GADD45GIP1: variants seen among roughly 807,000 people sequenced by gnomAD.
GADD45GIP1 encodes GADD45G interacting protein 1.
GADD45GIP1 carries 17 observed loss-of-function variants against 22.1 expected under a neutral mutation model. The observed-to-expected ratio is 0.77, with a 90% CI of 0.53 to 1.15. The LOEUF (loss-of-function observed/expected upper bound fraction) is 1.15. Ranked by LOEUF, GADD45GIP1 falls within the 50% of genes most tolerant of loss-of-function variation. The pLI, the probability that GADD45GIP1 is intolerant of heterozygous loss-of-function variation, is 0.00. For missense variants in GADD45GIP1, 294 were observed against 314.0 expected (o/e 0.94, Z 0.48); for synonymous variants, 135 against 138.4 (o/e 0.98, Z 0.17).
chr19:12,953,173 A>G lies in GADD45GIP1; in HGVS notation c.*1035T>C, dbSNP rs1971863147. 1.6e-5 allele frequency: 11 copies of G among 698,842 alleles called. No homozygotes were observed. The South Asian group carries it at 3.0e-4, about 19-fold the overall frequency. 43.3% of individuals were successfully genotyped at this position (698,842 alleles called of 1,614,324 possible). On this transcript the variant is annotated 3_prime_UTR_variant, in exon 2 of 2. Transcript: ENST00000316939. ...TGGAAAAAAAAATCAAAAATCTTAA[A>G]AAAACAAGCAAACAGTCCAGCTTCC...
At position 12,954,378 on chromosome 19, in the gene GADD45GIP1, G is replaced by A; in HGVS notation, c.499C>T (p.Gln167Ter). 1 of 1,614,174 alleles carries A rather than the reference G, an allele frequency of 6.2e-7. No individual in the cohort carries two copies. Among genetic ancestry groups the A allele is most frequent in the Non-Finnish European group, 8.5e-7 (1 of 1,180,020 alleles). Residue 167 changes from glutamine (Q) to a stop codon, truncating the protein, a stop_gained, in exon 2 of 2, where the codon CAG becomes TAG. Coordinates refer to ENST00000316939, the MANE Select transcript of GADD45GIP1 (RefSeq NM_052850.4). LOFTEE classifies it high-confidence loss of function. ...QAEAQELLGY[Q>*]VDPRSARFQE... ...AAGCGGGCACTCCTTGGGTCCACCT[G>A]GTAGCCCAGGAGCTCCTGGGCCTCA... is the stretch of plus-strand genomic sequence containing the variant.
rs1010745578 is a variant in GADD45GIP1, at chr19:12,954,498, T to C, written c.379A>G (p.Lys127Glu). The C allele has an allele frequency of 1.2e-6, 2 of 1,613,896 alleles. No homozygotes were observed. Among genetic ancestry groups the C allele is most frequent in the Non-Finnish European group, 1.7e-6 (2 of 1,179,978 alleles). The stretch of plus-strand genomic sequence containing the variant: ...CAGTTCACAATCATCTGTGGCATCT[T>C]GGCCATGCACTCTGCGATGTGCTGC... Reference protein sequence around the residue: ...REQHIAECMAKMPQMIVNWQQ... With the variant: ...REQHIAECMAEMPQMIVNWQQ... Residue 127 changes from lysine (K) to glutamate (E), a missense_variant, in exon 2 of 2, where the codon AAG (lysine) becomes GAG (glutamate). Lys to Glu is a moderately conservative substitution (Grantham distance 56). Coordinates refer to ENST00000316939, the MANE Select transcript of GADD45GIP1 (RefSeq NM_052850.4).
intron 1 of GADD45GIP1, among the ~76,000 whole-genome samples, chr19:12,954,880 C>A (rs1425331803): frequency 6.6e-6 from 1 of 152,090 alleles, no homozygotes; most frequent in Admixed American, 6.6e-5. Context: ...GAGGCCAGGC[C>A]CAATTCTAGG....
At chr19:12,955,790 G>A (rs1339100083) in intron 1 of GADD45GIP1, among the ~76,000 whole-genome samples, 1 of 152,044 alleles carries the variant, frequency 6.6e-6, no homozygotes, top group Non-Finnish European at 1.5e-5. Context: ...GATCCTGGGA[G>A]GCAGAGGTTG....
In GADD45GIP1 at chr19:12,953,149, G is replaced by A; in HGVS notation, c.*1059C>T. 1 of 813,568 alleles carries A rather than the reference G, an allele frequency of 1.2e-6. No homozygotes were observed. Among genetic ancestry groups the A allele is most frequent in the South Asian group, 2.4e-5 (1 of 42,136 alleles). 50.4% of individuals were successfully genotyped at this position (813,568 alleles called of 1,614,324 possible). ...ATATATTCATGTTTATTTAAGAAATGGAAAAAAAAATCAAAAATCTTAAAA... is the reference window on the plus strand; with the variant it reads ...ATATATTCATGTTTATTTAAGAAATAGAAAAAAAAATCAAAAATCTTAAAA... On this transcript the variant is annotated 3_prime_UTR_variant, in exon 2 of 2. Transcript: ENST00000316939.
Position 12,953,913 on chromosome 19 carries a change from G to T in GADD45GIP1, c.*295C>A, listed in dbSNP as rs1971887166. 1.1e-5 allele frequency: 4 copies of T among 368,370 alleles called. No individual in the cohort carries two copies. In the South Asian group the frequency reaches 2.0e-4, roughly 19 times the overall value. The allele number at this position is 368,370 out of a possible 1,614,324, so 22.8% of individuals were successfully genotyped here. ...CTATACTTCCCCCCCCACCAGCCTT[G>T]TAATTGGCTAATTACTGGAGATGAA... On this transcript the variant is annotated 3_prime_UTR_variant, in exon 2 of 2. Coordinates refer to ENST00000316939, the MANE Select transcript of GADD45GIP1 (RefSeq NM_052850.4).
Position 12,954,346 on chromosome 19 carries a change from C to G in GADD45GIP1, c.531G>C (p.Glu177Asp), listed in dbSNP as rs770079638. The change falls in exon 2 of 2, where the codon GAG (glutamate) becomes GAC (aspartate). Residue 177 changes from glutamate (E) to aspartate (D), a missense_variant. By Grantham distance (45) the Glu-to-Asp change is conservative (BLOSUM62 2). Transcript: ENST00000316939. ...QVDPRSARFQ[E>D]LLQDLEKKER... is the part of the protein sequence containing the mutation. ...CCTTCTTCTCTAGGTCCTGGAGCAG[C>G]TCCTGGAAGCGGGCACTCCTTGGGT... The G allele has an allele frequency of 6.2e-7, 1 of 1,614,144 alleles. No individual in the cohort carries two copies. Among genetic ancestry groups the G allele is most frequent in the Admixed American group, 1.7e-5 (1 of 60,028 alleles).
intron 1 of GADD45GIP1, among the ~76,000 whole-genome samples, chr19:12,956,597 T>C (rs1193720224): frequency 6.6e-6 from 1 of 152,158 alleles, no homozygotes; most frequent in Non-Finnish European, 1.5e-5. Flanking sequence ...GAGGTTGCAG[T>C]GAGCCAAGAT....
intron 1 of GADD45GIP1, 30 bp from the exon 2 acceptor site, chr19:12,954,556 C>T (rs562231287): frequency 4.4e-6 from 7 of 1,576,842 alleles, no homozygotes; most frequent in Admixed American, 1.7e-5. Flanking sequence ...GGCTGTGACA[C>T]TGGCACTCAG....
chr19:12,957,150 A>G lies in GADD45GIP1; in HGVS notation c.63T>C (p.Gly21=), dbSNP rs988099428. The change falls in exon 1 of 2, where the codon GGT becomes GGC. Residue 21 remains glycine, a synonymous_variant. Transcript: ENST00000316939. ...GCGGCCGCGCCCGGTAGCCACGGGA[A>G]CCCGGGGCCAGGGTCGCCGCCACAC... ...LLGVAATLAP[G]SRGYRARPPP... The G allele has an allele frequency of 2.8e-6, 4 of 1,415,176 alleles. No individual in the cohort carries two copies. The highest frequency in any genetic ancestry group is 1.5e-5 in the African/African-American group (1 of 66,238). The allele number at this position is 1,415,176 out of a possible 1,614,324, so 87.7% of individuals were successfully genotyped here.
chr19:12,957,099 C>T lies in GADD45GIP1; in HGVS notation c.114G>A (p.Arg38=). The T allele has an allele frequency of 6.8e-7, 1 of 1,476,982 alleles. No homozygotes were observed. Among genetic ancestry groups the T allele is most frequent in the East Asian group, 2.7e-5 (1 of 36,928 alleles). 91.5% of individuals were successfully genotyped at this position (1,476,982 alleles called of 1,614,324 possible). The change falls in exon 1 of 2, where the codon CGG becomes CGA. Residue 38 remains arginine, a synonymous_variant. Transcript: ENST00000316939. The part of the protein sequence containing the change: ...RPPPRRRPGP[R]WPDPEDLLTP... The stretch of plus-strand genomic sequence containing the variant: ...TCAGGAGGTCCTCGGGGTCTGGCCA[C>T]CGGGGTCCCGGCCTGCGGCGCGGGG...
Position 12,956,678 on chromosome 19 carries a change from CAA to C in GADD45GIP1, c.350+183_350+184del, listed in dbSNP as rs1033788004. 7.9e-5 allele frequency among the ~76,000 whole-genome samples: 12 copies of C among 151,998 alleles called. No homozygotes were observed. The South Asian group carries it at 8.3e-4, about 11-fold the overall frequency. Reference sequence around the variant, plus strand: ...TCCAAAAAACAAACAAACAAACAAACAAAACTTGCTGATGAATGACTAAATGG... The same window carrying C: ...TCCAAAAAACAAACAAACAAACAAACAACTTGCTGATGAATGACTAAATGG... On this transcript the variant is annotated intron_variant, in intron 1 of 1. Coordinates refer to ENST00000316939, the MANE Select transcript of GADD45GIP1 (RefSeq NM_052850.4).
At chr19:12,956,587 G>C (rs1437962310) in intron 1 of GADD45GIP1, among the ~76,000 whole-genome samples, 6 of 152,196 alleles carry the variant, frequency 3.9e-5, no homozygotes, top group Non-Finnish European at 8.8e-5. Context: ...CGGGGAGGCG[G>C]AGGTTGCAGT....
In GADD45GIP1 at chr19:12,955,050, C is replaced by T. The variant is rs192298291; in HGVS notation, c.351-524G>A. On this transcript the variant is annotated intron_variant, in intron 1 of 1. Transcript: ENST00000316939. ...GTTTTTTTGTACAGATTTATTTCATCACTCAGGTATTAAACCTAGTACCTA... is the reference window on the plus strand; with the variant it reads ...GTTTTTTTGTACAGATTTATTTCATTACTCAGGTATTAAACCTAGTACCTA... Among the ~76,000 whole-genome samples the T allele has an allele frequency of 1.3e-5, 2 of 152,156 alleles. 1 individual carries two copies. Among genetic ancestry groups the T allele is most frequent in the South Asian group, 4.1e-4 (2 of 4,824 alleles).
At chr19:12,956,818 C>G (rs1971929371) in intron 1 of GADD45GIP1, 45 bp downstream of exon 1, 5 of 1,559,412 alleles carry the variant, frequency 3.2e-6, no homozygotes, top group East Asian at 4.6e-5. Context: ...CCAGTTCGCC[C>G]ACGGGGCACA....
Position 12,954,281 on chromosome 19 carries a change from T to C in GADD45GIP1, c.596A>G (p.Lys199Arg). 6.2e-7 allele frequency: 1 copy of C among 1,611,652 alleles called. No homozygotes were observed. Among genetic ancestry groups the C allele is most frequent in the Non-Finnish European group, 8.5e-7 (1 of 1,179,796 alleles). Residue 199 changes from lysine (K) to arginine (R), a missense_variant, in exon 2 of 2, where the codon AAG (lysine) becomes AGG (arginine). Physicochemically the swap from Lys to Arg is conservative, Grantham distance 26 (BLOSUM62 2). Transcript: ENST00000316939. ...RLKEEKQKRK[K>R]EARAAALAAA... ...AGCCAATGCAGCAGCTCGCGCCTCC[T>C]TCTTCCGTTTCTGTTTTTCCTCCTT...
Position 12,954,117 on chromosome 19 carries a change from C to T in GADD45GIP1, c.*91G>A. ...CAGCTCTTAAGTATTGGGGGAGGAA[C>T]CAGGGGACCCAGAGAGGCACACCTT... On this transcript the variant is annotated 3_prime_UTR_variant, in exon 2 of 2. Coordinates refer to ENST00000316939, the MANE Select transcript of GADD45GIP1 (RefSeq NM_052850.4). The T allele has an allele frequency of 8.9e-7, 1 of 1,127,196 alleles. No homozygotes were observed. Among genetic ancestry groups the T allele is most frequent in the Non-Finnish European group, 1.3e-6 (1 of 775,842 alleles). The allele number at this position is 1,127,196 out of a possible 1,614,324, so 69.8% of individuals were successfully genotyped here. A position where few individuals can be genotyped will look rare whatever the true frequency, so the allele number is the denominator to read the frequency against.
intron 1 of GADD45GIP1, among the ~76,000 whole-genome samples, chr19:12,956,105 C>G (rs1354217876): frequency 1.3e-5 from 2 of 152,198 alleles, no homozygotes; most frequent in African/African-American, 4.8e-5. Context: ...CAGGTCTTTG[C>G]TTAAACATCA....
Position 12,954,303 on chromosome 19 carries a change from CCTT to C in GADD45GIP1, c.571_573del (p.Lys191del), listed in dbSNP as rs758275640. ...TCCTTCTTCCGTTTCTGTTTTTCCT[CCTT>C]GAGGCGCTTGCGCTCCTTCTTCTCT... On this transcript the variant is annotated inframe_deletion, in exon 2 of 2. Coordinates refer to ENST00000316939, the MANE Select transcript of GADD45GIP1 (RefSeq NM_052850.4). 139 of 1,614,074 alleles carry C rather than the reference CCTT, an allele frequency of 8.6e-5. No individual in the cohort carries two copies. Among genetic ancestry groups the C allele is most frequent in the Non-Finnish European group, 1.1e-4 (130 of 1,180,028 alleles).
Sources: allele counts gnomAD v4.1 joint callset (sites outside exome capture counted in the v4.1 genomes callset), GRCh38; gene constraint gnomAD v4.1.1; transcripts MANE v1.5; gene names NCBI Gene and HGNC (gene_info 2026-07-23, HGNC 2026-07-21).